The following RBFOX1 variants were observed in gnomAD, a reference collection of about 807,000 sequenced individuals.
RBFOX1 encodes RNA binding protein fox-1 homolog 1.
In RBFOX1, 8 loss-of-function variants were observed where a neutral mutation model predicts 57.7. The observed-to-expected ratio is 0.14, with a 90% CI of 0.08 to 0.25. The LOEUF is 0.25. RBFOX1 is among the 10% of genes least tolerant of loss of function. The pLI is 1.00. For synonymous variants in RBFOX1, 326 were observed against 222.4 expected (o/e 1.47, Z -4.15); for missense variants, 611 against 548.5 (o/e 1.11, Z -1.14).
At chr16:5,937,707 G>A (rs1597866205) in intron 4 of RBFOX1, among the ~76,000 whole-genome samples, 1 of 149,062 alleles carries the variant, frequency 6.7e-6, no homozygotes, top group Non-Finnish European at 1.5e-5. Context: ...TATGTAAGTA[G>A]TATAGTTATA....
intron 4 of RBFOX1, among the ~76,000 whole-genome samples, chr16:7,212,751 T>C (rs1249508674): frequency 6.6e-6 from 1 of 152,204 alleles, no homozygotes; most frequent in Non-Finnish European, 1.5e-5. Flanking sequence ...GACAGGTTGA[T>C]AGGTGCAGCA....
chr16:7,164,465 C>G (rs1439029628), intron 4 of RBFOX1, among the ~76,000 whole-genome samples: 2 of 152,084 alleles, frequency 1.3e-5, no homozygotes, highest in African/African-American at 4.8e-5. Context: ...ATTTCTTTTC[C>G]TCTGGGTGAA....
At chr16:7,169,931 G>T (rs143955051) in intron 4 of RBFOX1, among the ~76,000 whole-genome samples, 3,866 of 152,100 alleles carry the variant, frequency 0.025, 84 homozygotes, top group Non-Finnish European at 0.044. Context: ...AAAATAGCTG[G>T]GCATGGTGAC....
At chr16:5,610,516 C>T (rs1596445790) in intron 3 of RBFOX1, 1 of 152,060 alleles carries the variant, frequency 6.6e-6, no homozygotes, top group Non-Finnish European at 1.5e-5. Context: ...AAAAACACCG[C>T]AACGTACAAA....
chr16:7,181,787 C>A (rs1210688796), intron 4 of RBFOX1, among the ~76,000 whole-genome samples: 1 of 152,076 alleles, frequency 6.6e-6, no homozygotes, highest in African/African-American at 2.4e-5. Flanking sequence ...TCTCAGACTC[C>A]TGAGCTCAAG....
At chr16:6,734,085 T>C (rs2069411526) in intron 3 of RBFOX1, among the ~76,000 whole-genome samples, 2 of 152,222 alleles carry the variant, frequency 1.3e-5, no homozygotes, top group Non-Finnish European at 2.9e-5. Context: ...TGCCTGGGTA[T>C]GAAATTCCAG....
intron 4 of RBFOX1, among the ~76,000 whole-genome samples, chr16:7,177,445 T>A (rs1307197577): frequency 6.7e-6 from 1 of 148,964 alleles, no homozygotes; most frequent in Admixed American, 6.7e-5. Context: ...TGTAACAAAA[T>A]ACCACAAGCA....
chr16:6,647,764 C>G (rs549994522), intron 2 of RBFOX1, among the ~76,000 whole-genome samples: 14 of 152,136 alleles, frequency 9.2e-5, no homozygotes, highest in African/African-American at 2.9e-4. Context: ...AAGATGGGAT[C>G]TTGCTCTGTC....
chr16:6,395,895 G>C (rs540846090), intron 2 of RBFOX1, among the ~76,000 whole-genome samples: 81 of 151,676 alleles, frequency 5.3e-4, no homozygotes, highest in Middle Eastern at 3.4e-3. Flanking sequence ...GTGAAACCCC[G>C]TCTCTGCTAA....
intron 1 of RBFOX1, among the ~76,000 whole-genome samples, chr16:5,465,151 T>G (rs550706121): frequency 6.6e-6 from 1 of 152,336 alleles, no homozygotes; most frequent in South Asian, 2.1e-4. Flanking sequence ...CTCTCAGTTC[T>G]GGAGTCCAGA....
At chr16:5,731,988 C>T (rs8060184) in intron 3 of RBFOX1, among the ~76,000 whole-genome samples, 26,715 of 152,158 alleles carry the variant, frequency 0.18, 6,965 homozygotes, top group African/African-American at 0.57. Context: ...TTCTCCACCC[C>T]ATATCAGTGA....
At chr16:6,600,102 A>C (rs2097832772) in intron 2 of RBFOX1, among the ~76,000 whole-genome samples, 1 of 152,132 alleles carries the variant, frequency 6.6e-6, no homozygotes, top group South Asian at 2.1e-4. Flanking sequence ...GGGTTTTTCA[A>C]GCTCATTTTT....
chr16:5,573,512 C>G (rs2046353383), intron 2 of RBFOX1, among the ~76,000 whole-genome samples: 1 of 152,196 alleles, frequency 6.6e-6, no homozygotes, highest in Non-Finnish European at 1.5e-5. Context: ...GACTTGGGTA[C>G]TGACAACTTT....
At chr16:6,346,744 G>T (rs888855672) in intron 2 of RBFOX1, among the ~76,000 whole-genome samples, 1 of 152,196 alleles carries the variant, frequency 6.6e-6, no homozygotes, top group African/African-American at 2.4e-5. Flanking sequence ...TATGATGTTG[G>T]AGCAGAGAGT....
intron 1 of RBFOX1, among the ~76,000 whole-genome samples, chr16:6,076,746 G>A (rs960541935): frequency 6.6e-6 from 1 of 152,180 alleles, no homozygotes; most frequent in African/African-American, 2.4e-5. Flanking sequence ...CAAGCTCGCT[G>A]TCAAACTTGT....
At chr16:5,751,672 G>C (rs1179063618) in intron 3 of RBFOX1, among the ~76,000 whole-genome samples, 1 of 152,204 alleles carries the variant, frequency 6.6e-6, no homozygotes, top group African/African-American at 2.4e-5. Flanking sequence ...GGAAGTGGTA[G>C]TGGTCCAGGA....
intron 2 of RBFOX1, among the ~76,000 whole-genome samples, chr16:5,476,707 C>T (rs4238859): frequency 0.35 from 53,647 of 152,080 alleles, 10,379 homozygotes; most frequent in South Asian, 0.45. Flanking sequence ...TTTAATTTAT[C>T]GCTGCACAAA....
chr16:6,468,415 G>A (rs1210460826), intron 2 of RBFOX1, among the ~76,000 whole-genome samples: 4 of 152,308 alleles, frequency 2.6e-5, no homozygotes, highest in East Asian at 3.9e-4. Flanking sequence ...CCGCAACGAT[G>A]TTGTAAAGAA....
At chr16:5,965,914 T>A (rs2152293296) in intron 4 of RBFOX1, among the ~76,000 whole-genome samples, 1 of 152,214 alleles carries the variant, frequency 6.6e-6, no homozygotes, top group African/African-American at 2.4e-5. Flanking sequence ...AGCTGATCCC[T>A]GAGATACCCT....
Sources: gnomAD v4.1 joint callset for allele counts (sites outside exome capture counted in the v4.1 genomes callset) on GRCh38, gnomAD v4.1.1 for gene constraint, MANE v1.5 for transcripts, NCBI Gene and HGNC (gene_info 2026-07-23, HGNC 2026-07-21) for gene names.